FBXO40: variants seen among roughly 807,000 people sequenced by gnomAD.
The protein encoded by FBXO40 is F-box only protein 40.
In FBXO40, 50 loss-of-function variants were observed where a neutral mutation model predicts 49.9. The observed-to-expected ratio is 1.00, with a 90% CI of 0.80 to 1.27. The LOEUF (loss-of-function observed/expected upper bound fraction) is 1.27. Among genes scored for constraint, FBXO40 ranks in the 50% most tolerant of loss-of-function variants. FBXO40 has a pLI of 0.00. For synonymous variants in FBXO40, 340 were observed against 320.2 expected (o/e 1.06, Z -0.66); for missense variants, 895 against 870.1 (o/e 1.03, Z -0.36).
chr3:121,616,059 T>G (rs532836385), intron 1 of FBXO40, among the ~76,000 whole-genome samples: 1 of 152,238 alleles, frequency 6.6e-6, no homozygotes, highest in Admixed American at 6.5e-5. Flanking sequence ...ATACAAACAT[T>G]CAGATCATAG....
At position 121,622,901 on chromosome 3, in the gene FBXO40, A is replaced by G. The variant is rs1186530751; in HGVS notation, c.1472A>G (p.His491Arg). Residue 491 changes from histidine to arginine, a missense_variant, in exon 3 of 4, where the codon CAC becomes CGC. Physicochemically the swap from His to Arg is conservative, Grantham distance 29. Coordinates refer to ENST00000338040, the MANE Select transcript of FBXO40 (RefSeq NM_016298.4). ...KFFRRDEFPL[H>R]FKNVHTDIQS... Reference sequence around the variant, plus strand: ...TTCAGGAGGGATGAGTTCCCCCTGCACTTCAAGAATGTCCACACAGACATT... The same window carrying G: ...TTCAGGAGGGATGAGTTCCCCCTGCGCTTCAAGAATGTCCACACAGACATT... 3 of 1,614,072 alleles carry G rather than the reference A, an allele frequency of 1.9e-6. No homozygotes were observed. Among genetic ancestry groups the G allele is most frequent in the Admixed American group, 3.3e-5 (2 of 60,010 alleles).
At position 121,595,079 on chromosome 3, in the gene FBXO40, T is replaced by G. The variant is rs140382815; in HGVS notation, c.-31+1577T>G. ...GGATTCTGTACACTCTGACCTTTGA[T>G]GTGTACAGGCTAAAGCCACCGATGC... On this transcript the variant is annotated intron_variant, in intron 1 of 3. Transcript: ENST00000338040. Among the ~76,000 whole-genome samples the G allele has an allele frequency of 2.6e-5, 4 of 152,300 alleles. No individual in the cohort carries two copies. In the East Asian group the frequency reaches 5.8e-4, roughly 22 times the overall value.
At chr3:121,609,815 T>TAA (rs2048954749) in intron 1 of FBXO40, among the ~76,000 whole-genome samples, 1 of 152,256 alleles carries the variant, frequency 6.6e-6, no homozygotes, top group Non-Finnish European at 1.5e-5. Context: ...TTTCTGGGCT[T>TAA]GCCCATCAAT....
rs2049070439 is a variant in FBXO40 at position 121,627,755 on chromosome 3, C to G, written c.*845C>G. ...AGTTAGGCAGAACATAGCCATGGCC[C>G]TGGGCCACCCTGTGCTATCTGAAAT... On this transcript the variant is annotated 3_prime_UTR_variant, in exon 4 of 4. Transcript: ENST00000338040. 1 of 398,264 alleles carries G rather than the reference C, an allele frequency of 2.5e-6. No individual in the cohort carries two copies. Among genetic ancestry groups the G allele is most frequent in the Non-Finnish European group, 4.4e-6 (1 of 226,058 alleles). The allele number at this position is 398,264 out of a possible 1,614,324, so 24.7% of individuals were successfully genotyped here. A position where few individuals can be genotyped will look rare whatever the true frequency, so the allele number is the denominator to read the frequency against.
chr3:121,605,583 C>T (rs1252064868), intron 1 of FBXO40, among the ~76,000 whole-genome samples: 2 of 152,204 alleles, frequency 1.3e-5, no homozygotes. Flanking sequence ...AGAAAACCAT[C>T]TCAAATCTGA....
intron 1 of FBXO40, among the ~76,000 whole-genome samples, chr3:121,597,659 C>CT (rs11388990): frequency 0.05 from 6,223 of 123,976 alleles, 351 homozygotes; most frequent in African/African-American, 0.13. Flanking sequence ...TATAGGCCCC[C>CT]TTTTTTTTTT....
chr3:121,593,961 G>A (rs1382526244), intron 1 of FBXO40, among the ~76,000 whole-genome samples: 1 of 152,032 alleles, frequency 6.6e-6, no homozygotes, highest in Non-Finnish European at 1.5e-5. Flanking sequence ...TACCTCCCAG[G>A]TTCTAGTGAT....
Position 121,624,905 on chromosome 3 carries a change from G to A in FBXO40, c.1914+1562G>A, listed in dbSNP as rs138242922. Reference sequence around the variant, plus strand: ...AAAAAAAAATCTCTTCAAATTACCCGGTCTGAGAGTGCCGCCTGTTCCCAG... The same window carrying A: ...AAAAAAAAATCTCTTCAAATTACCCAGTCTGAGAGTGCCGCCTGTTCCCAG... On this transcript the variant is annotated intron_variant, in intron 3 of 3. Transcript: ENST00000338040. Among the ~76,000 whole-genome samples the A allele has an allele frequency of 2.2e-4, 33 of 151,980 alleles. No homozygotes were observed. The East Asian group carries it at 6.0e-3, about 28-fold the overall frequency.
At chr3:121,619,631 C>G (rs1355457611) in intron 1 of FBXO40, among the ~76,000 whole-genome samples, 1 of 152,176 alleles carries the variant, frequency 6.6e-6, no homozygotes, top group Admixed American at 6.5e-5. Flanking sequence ...GAAACAAGCA[C>G]TGTTCTAAGA....
chr3:121,618,553 A>AT (rs58697675), intron 1 of FBXO40, among the ~76,000 whole-genome samples: 54,062 of 145,176 alleles, frequency 0.37, 10,472 homozygotes, highest in East Asian at 0.72. Context: ...TGCCCGGTTA[A>AT]TTTTTTTTTT....
In FBXO40 at chr3:121,613,040, A is replaced by T. The variant is rs180876810; in HGVS notation, c.-30-7506A>T. Among the ~76,000 whole-genome samples, 566 of 150,458 alleles carry T rather than the reference A, an allele frequency of 3.8e-3. 2 individuals carry two copies. Among genetic ancestry groups the T allele is most frequent in the African/African-American group, 8.2e-3 (336 of 40,874 alleles). On this transcript the variant is annotated intron_variant, in intron 1 of 3. Transcript: ENST00000338040. ...AGCCGAGATCCAGCCACTGCACTCC[A>T]GCCTGGGCGACAGAGCAAGACTCCG...
rs1160266850 is a variant in FBXO40, at chr3:121,621,874, G to C, written c.445G>C (p.Glu149Gln). 6.2e-7 allele frequency: 1 copy of C among 1,614,172 alleles called. No homozygotes were observed. The highest frequency in any genetic ancestry group is 1.7e-5 in the Admixed American group (1 of 60,006). The change falls in exon 3 of 4, where the codon GAA becomes CAA. Residue 149 changes from glutamate (E) to glutamine (Q), a missense_variant. By Grantham distance (29) the Glu-to-Gln change is conservative. Transcript: ENST00000338040. ...RSLKMVELFP[E>Q]TREATEEEPT... ...CTTGAAAATGGTGGAACTTTTCCCAGAAACTAGAGAGGCTACTGAGGAGGA... is the reference window on the plus strand; with the variant it reads ...CTTGAAAATGGTGGAACTTTTCCCACAAACTAGAGAGGCTACTGAGGAGGA...
rs1410479672 is a variant in FBXO40 at position 121,627,764 on chromosome 3, C to G, written c.*854C>G. The G allele has an allele frequency of 5.0e-6, 2 of 398,374 alleles. No individual in the cohort carries two copies. The highest frequency in any genetic ancestry group is 4.1e-5 in the African/African-American group (2 of 48,624). The allele number at this position is 398,374 out of a possible 1,614,324, so 24.7% of individuals were successfully genotyped here. The stretch of plus-strand genomic sequence containing the variant: ...GAACATAGCCATGGCCCTGGGCCAC[C>G]CTGTGCTATCTGAAATGACCTCAAT... On this transcript the variant is annotated 3_prime_UTR_variant, in exon 4 of 4. Transcript: ENST00000338040.
intron 1 of FBXO40, among the ~76,000 whole-genome samples, chr3:121,615,244 C>T (rs77891003): frequency 0.027 from 3,747 of 139,374 alleles, 129 homozygotes; most frequent in African/African-American, 0.084. Context: ...TTGGAAACTA[C>T]TCTGTTACAG....
At chr3:121,605,609 A>G (rs1415846106) in intron 1 of FBXO40, among the ~76,000 whole-genome samples, 1 of 152,220 alleles carries the variant, frequency 6.6e-6, no homozygotes, top group Admixed American at 6.5e-5. Context: ...TCATTCTTCA[A>G]AACTGGAGTT....
intron 1 of FBXO40, among the ~76,000 whole-genome samples, chr3:121,594,444 A>G (rs1020355347): frequency 3.3e-5 from 5 of 152,128 alleles, no homozygotes; most frequent in Middle Eastern, 3.4e-3. Flanking sequence ...CAAGTGATCC[A>G]CCCGCTTCGG....
rs2049083909 is a variant in FBXO40, at chr3:121,629,884, CA to C, written c.*2975del. The C allele has an allele frequency of 6.6e-6, 1 of 152,266 alleles. No homozygotes were observed. Among genetic ancestry groups the C allele is most frequent in the Admixed American group, 6.5e-5 (1 of 15,288 alleles). The allele number at this position is 152,266 out of a possible 1,614,324, so 9.4% of individuals were successfully genotyped here. ...GAGGCAAGACAGCTAGAAGTGGCTTCAGATTTAGAAACAGCTGAGGGGAGCA... is the reference window on the plus strand; with the variant it reads ...GAGGCAAGACAGCTAGAAGTGGCTTCGATTTAGAAACAGCTGAGGGGAGCA... On this transcript the variant is annotated 3_prime_UTR_variant, in exon 4 of 4. Coordinates refer to ENST00000338040, the MANE Select transcript of FBXO40 (RefSeq NM_016298.4).
intron 2 of FBXO40, 68 bp downstream of exon 2, chr3:121,620,646 G>T: frequency 2.5e-6 from 4 of 1,589,342 alleles, no homozygotes; most frequent in Non-Finnish European, 3.5e-6. Context: ...TTATCCTGTA[G>T]CCCAAGCAGC....
intron 1 of FBXO40, among the ~76,000 whole-genome samples, chr3:121,605,958 G>T (rs1329147715): frequency 1.3e-5 from 2 of 152,152 alleles, no homozygotes; most frequent in African/African-American, 2.4e-5. Flanking sequence ...TGTAAGAAAA[G>T]ATTTGAACCT....
Sources: gnomAD v4.1 joint callset for allele counts (sites outside exome capture counted in the v4.1 genomes callset) on GRCh38, gnomAD v4.1.1 for gene constraint, MANE v1.5 for transcripts, NCBI Gene and HGNC (gene_info 2026-07-23, HGNC 2026-07-21) for gene names.